MEF2B: variants seen among roughly 807,000 people sequenced by gnomAD.
MEF2B encodes myocyte enhancer factor 2B.
A neutral mutation model predicts 32.2 loss-of-function variants in MEF2B; 15 were observed. The ratio of observed to expected loss-of-function variants is 0.47; its 90% CI spans 0.31 to 0.72. The LOEUF is 0.72. MEF2B is among the 30% of genes least tolerant of loss of function. MEF2B has a pLI of 0.05. For synonymous variants in MEF2B, 205 were observed against 225.6 expected, an observed-to-expected ratio of 0.91 and a Z score of 0.82; for missense variants, 441 against 511.5, an observed-to-expected ratio of 0.86 and a Z score of 1.33.
chr19:19,166,191 G>A (rs12981109), intron 1 of MEF2B, among the ~76,000 whole-genome samples: 51,246 of 151,728 alleles, frequency 0.34, 9,056 homozygotes, highest in Non-Finnish European at 0.39. Flanking sequence ...GGGCCATCAC[G>A]TGGCACCTCA....
intron 1 of MEF2B, among the ~76,000 whole-genome samples, chr19:19,151,645 G>C (rs760754122): frequency 3.3e-5 from 5 of 152,202 alleles, no homozygotes; most frequent in African/African-American, 4.8e-5. Context: ...AGGTGACTGA[G>C]GCTTCAGGCA....
chr19:19,157,087 T>C, intron 1 of MEF2B: 1 of 252,166 alleles, frequency 4.0e-6, no homozygotes, highest in Non-Finnish European at 8.8e-6. Context: ...GAGTTCAAGG[T>C]TACAGTGAGC....
chr19:19,162,841 A>T (rs2060175648), intron 1 of MEF2B, among the ~76,000 whole-genome samples: 1 of 152,180 alleles, frequency 6.6e-6, no homozygotes, highest in African/African-American at 2.4e-5. Context: ...CCACTTGCCC[A>T]CTGCGTGATA....
chr19:19,161,767 A>G (rs1295979200), intron 1 of MEF2B, among the ~76,000 whole-genome samples: 1 of 124,780 alleles, frequency 8.0e-6, no homozygotes, highest in Admixed American at 9.2e-5. Flanking sequence ...GGGCCCCCCC[A>G]TCCCTGCAGT....
At chr19:19,153,764 T>C (rs1399893802) in intron 1 of MEF2B, among the ~76,000 whole-genome samples, 1 of 151,596 alleles carries the variant, frequency 6.6e-6, no homozygotes, top group Non-Finnish European at 1.5e-5. Flanking sequence ...GCCATATTTA[T>C]TTTTTTGAGA....
rs539771917 is a variant in MEF2B, at chr19:19,147,946, T to G, written c.259-114A>C. 128 of 1,462,190 alleles carry G rather than the reference T, an allele frequency of 8.8e-5. No homozygotes were observed. The South Asian group carries it at 1.7e-3, about 20-fold the overall frequency. 90.6% of individuals were successfully genotyped at this position (1,462,190 alleles called of 1,614,324 possible). The stretch of plus-strand genomic sequence containing the variant: ...ACCCAGCTCCATGAGTGGGGAGGAA[T>G]GCAGGCATGGCCTGCTCTAGCCAAA... On this transcript the variant is annotated intron_variant, in intron 3 of 8. Coordinates refer to ENST00000424583, the MANE Select transcript of MEF2B (RefSeq NM_001145785.2).
intron 1 of MEF2B, among the ~76,000 whole-genome samples, chr19:19,154,568 C>T (rs758994334): frequency 6.6e-6 from 1 of 152,164 alleles, no homozygotes; most frequent in Non-Finnish European, 1.5e-5. Flanking sequence ...TTCAGCCTCC[C>T]AAGTAGCTGA....
At position 19,145,596 on chromosome 19, in the gene MEF2B, T is replaced by C; in HGVS notation, c.*201A>G. Reference sequence around the variant, plus strand: ...GTCCACGGACGCCACGCGCGTTTTATTTGTGGATATACACACAAATAGGAA... The same window carrying C: ...GTCCACGGACGCCACGCGCGTTTTACTTGTGGATATACACACAAATAGGAA... On this transcript the variant is annotated 3_prime_UTR_variant, in exon 9 of 9. Transcript: ENST00000424583. This position sits in a 1 kb window ranked among gnomAD's most constrained non-coding sequence, Gnocchi z 4.6. 2 of 1,288,758 alleles carry C rather than the reference T, an allele frequency of 1.6e-6. No homozygotes were observed. The highest frequency in any genetic ancestry group is 2.1e-6 in the Non-Finnish European group (2 of 949,320). 79.8% of individuals were successfully genotyped at this position (1,288,758 alleles called of 1,614,324 possible). A position where few individuals can be genotyped will look rare whatever the true frequency, so the allele number is the denominator to read the frequency against.
intron 1 of MEF2B, among the ~76,000 whole-genome samples, chr19:19,167,346 G>C (rs945395263): frequency 1.2e-5 from 1 of 84,456 alleles, no homozygotes; most frequent in Non-Finnish European, 2.5e-5. Context: ...GTGAGACTCT[G>C]TCTCAAAAAA....
Position 19,168,969 on chromosome 19 carries a change from T to C in MEF2B, c.-30+1236A>G, listed in dbSNP as rs546897412. 2.0e-4 allele frequency among the ~76,000 whole-genome samples: 30 copies of C among 152,068 alleles called. 1 individual carries two copies. The South Asian group carries it at 5.6e-3, about 28-fold the overall frequency. On this transcript the variant is annotated intron_variant, in intron 1 of 8. Coordinates refer to ENST00000424583, the MANE Select transcript of MEF2B (RefSeq NM_001145785.2). Reference sequence around the variant, plus strand: ...GAGGCTGAGGCAGAAAATCAATCACTTGAACCTGGGAGGCAGAGGTTGCAG... The same window carrying C: ...GAGGCTGAGGCAGAAAATCAATCACCTGAACCTGGGAGGCAGAGGTTGCAG...
In MEF2B at chr19:19,150,162, G is replaced by A. The variant is rs1355070595; in HGVS notation, c.54+520C>T. Among the ~76,000 whole-genome samples the A allele has an allele frequency of 1.9e-3, 246 of 128,162 alleles. 1 individual carries two copies. Among genetic ancestry groups the A allele is most frequent in the African/African-American group, 7.1e-3 (224 of 31,772 alleles). 84.1% of individuals were successfully genotyped at this position (128,162 alleles called of 152,430 possible). A position where few individuals can be genotyped will look rare whatever the true frequency, so the allele number is the denominator to read the frequency against. On this transcript the variant is annotated intron_variant, in intron 2 of 8. Coordinates refer to ENST00000424583, the MANE Select transcript of MEF2B (RefSeq NM_001145785.2). ...AGGGAAGGAGGGAGGGAAGGAGGGA[G>A]GGAGGGAAGGAGGGAGGGAGGGAAG...
intron 1 of MEF2B, among the ~76,000 whole-genome samples, chr19:19,165,931 G>A (rs2060204083): frequency 6.6e-6 from 1 of 152,122 alleles, no homozygotes; most frequent in Admixed American, 6.5e-5. Context: ...AGGGCAGAGA[G>A]GAAAGGGGCC....
intron 1 of MEF2B, among the ~76,000 whole-genome samples, chr19:19,163,506 T>C (rs1444570280): frequency 6.6e-6 from 1 of 152,142 alleles, no homozygotes; most frequent in Non-Finnish European, 1.5e-5. Context: ...TGTGTGTTTC[T>C]TTATTGCTTT....
Position 19,163,732 on chromosome 19 carries a change from C to A in MEF2B, c.-30+6473G>T, listed in dbSNP as rs28406016. ...GTAATGGCACAATCTGGGCCTACTG[C>A]AACCTCCGCCTCCCAGGTTCAAGCC... On this transcript the variant is annotated intron_variant, in intron 1 of 8. Coordinates refer to ENST00000424583, the MANE Select transcript of MEF2B (RefSeq NM_001145785.2). 8.1e-3 allele frequency among the ~76,000 whole-genome samples: 1,236 copies of A among 152,286 alleles called. 12 individuals are homozygous for A. The highest frequency in any genetic ancestry group is 0.013 in the South Asian group (63 of 4,828).
At chr19:19,156,919 A>T in intron 1 of MEF2B, 1 of 147,762 alleles carries the variant, frequency 6.8e-6, no homozygotes, top group African/African-American at 2.5e-5. Context: ...TGAGAGGCTG[A>T]GGTGGGAGGA....
intron 1 of MEF2B, among the ~76,000 whole-genome samples, chr19:19,167,897 C>G (rs1480790227): frequency 6.6e-6 from 1 of 152,092 alleles, no homozygotes; most frequent in Admixed American, 6.6e-5. Context: ...TTTGAGGGGC[C>G]TAGTGTTACT....
intron 1 of MEF2B, 68 bp from the exon 2 acceptor site, chr19:19,150,832 A>C: frequency 2.2e-5 from 34 of 1,555,094 alleles, no homozygotes; most frequent in South Asian, 4.6e-5. Flanking sequence ...CCAGCCTCAC[A>C]CCTCTCCTCT....
intron 1 of MEF2B, among the ~76,000 whole-genome samples, chr19:19,162,450 C>T (rs993777830): frequency 9.9e-5 from 15 of 152,138 alleles, no homozygotes; most frequent in African/African-American, 3.1e-4. Flanking sequence ...TTCCCAAGGC[C>T]GGGTGCTCTC....
chr19:19,151,033 A>G (rs1307701594), intron 1 of MEF2B, among the ~76,000 whole-genome samples: 4 of 152,118 alleles, frequency 2.6e-5, no homozygotes, highest in South Asian at 4.1e-4. Flanking sequence ...CAGGAGGATC[A>G]CTTGAGCCTG....
Sources: gnomAD v4.1 joint callset for allele counts (sites outside exome capture counted in the v4.1 genomes callset) on GRCh38, gnomAD v4.1.1 for gene constraint, Gnocchi (gnomAD v3.1) non-coding constraint, MANE v1.5 for transcripts, NCBI Gene and HGNC (gene_info 2026-07-23, HGNC 2026-07-21) for gene names.